Variants in PPP1R18 observed in about 807,000 individuals in gnomAD.
PPP1R18 encodes protein phosphatase 1 regulatory subunit 18.
Under a neutral mutation model 54.8 loss-of-function variants are expected in PPP1R18, and 31 were observed. The observed-to-expected ratio is 0.57, with a 90% CI of 0.43 to 0.76. The LOEUF (loss-of-function observed/expected upper bound fraction) is 0.76. Ranked by LOEUF, PPP1R18 falls within the 30% of genes least tolerant of loss-of-function variation. The pLI is 0.00. For missense variants in PPP1R18, 685 were observed against 776.1 expected, an observed-to-expected ratio of 0.88 and a Z score of 1.39; for synonymous variants, 310 against 320.2, an observed-to-expected ratio of 0.97 and a Z score of 0.34.
rs1194088647 is a variant in PPP1R18, at chr6:30,683,550, A to G, written c.1611+858T>C. ...GCTACCCTAAGGGGAGGGAAAGTCC[A>G]GGATGGCAGGAAAAGAGGGGAAAAC... On this transcript the variant is annotated intron_variant, in intron 1 of 2. Coordinates refer to ENST00000274853, the MANE Select transcript of PPP1R18 (RefSeq NM_133471.4). This position sits in a 1 kb window ranked among gnomAD's most constrained non-coding sequence, Gnocchi z 5.1. 2.0e-5 allele frequency among the ~76,000 whole-genome samples: 3 copies of G among 152,196 alleles called. No individual in the cohort carries two copies. Among genetic ancestry groups the G allele is most frequent in the Non-Finnish European group, 4.4e-5 (3 of 68,020 alleles).
In PPP1R18 at chr6:30,676,990, A is replaced by C; in HGVS notation, c.*279T>G. On this transcript the variant is annotated 3_prime_UTR_variant, in exon 3 of 3. Transcript: ENST00000274853. ...GGCAGGTGCTCCATCTCCACCCTCC[A>C]GGGAGTTCTGTGCCCCTTCTCAGGA... is the stretch of plus-strand genomic sequence containing the variant. 1.7e-6 allele frequency: 1 copy of C among 602,986 alleles called. No individual in the cohort carries two copies. The highest frequency in any genetic ancestry group is 3.0e-6 in the Non-Finnish European group (1 of 337,964). The allele number at this position is 602,986 out of a possible 1,614,324, so 37.4% of individuals were successfully genotyped here.
In PPP1R18 at chr6:30,685,546, C is replaced by T. The variant is rs200913210; in HGVS notation, c.473G>A (p.Gly158Glu). 6.2e-6 allele frequency: 10 copies of T among 1,612,930 alleles called. No individual in the cohort carries two copies. In the East Asian group the frequency reaches 2.2e-4, roughly 36 times the overall value. Residue 158 changes from glycine to glutamate, a missense_variant, in exon 1 of 3, where the codon GGA becomes GAA. Physicochemically the swap from Gly to Glu is moderately conservative, Grantham distance 98. Transcript: ENST00000274853. The surrounding 1 kb of genome is among the most constrained non-coding windows in gnomAD (Gnocchi z 5.0). ...AGGCCTCAGGCTCAACTCTTGGGCT[C>T]CCCCTATCCCCAGCCTCCTCTCTCT... ...ETRERRLGIGGAQELSLRPLE... is the reference protein window; with the variant it reads ...ETRERRLGIGEAQELSLRPLE...
At position 30,686,501 on chromosome 6, in the gene PPP1R18, T is replaced by G; in HGVS notation, c.-483A>C. 1 of 159,676 alleles carries G rather than the reference T, an allele frequency of 6.3e-6. No homozygotes were observed. The highest frequency in any genetic ancestry group is 1.4e-5 in the Non-Finnish European group (1 of 73,510). The allele number at this position is 159,676 out of a possible 1,614,324, so 9.9% of individuals were successfully genotyped here. A position where few individuals can be genotyped will look rare whatever the true frequency, so the allele number is the denominator to read the frequency against. On this transcript the variant is annotated 5_prime_UTR_variant, in exon 1 of 3. Coordinates refer to ENST00000274853, the MANE Select transcript of PPP1R18 (RefSeq NM_133471.4). ...TAGTGTGGGAAGGAAGGACCAGGAATCCCTGAAAGGACCAGGAGGCAACGG... is the reference window on the plus strand; with the variant it reads ...TAGTGTGGGAAGGAAGGACCAGGAAGCCCTGAAAGGACCAGGAGGCAACGG...
chr6:30,686,231 A>C lies in PPP1R18; in HGVS notation c.-213T>G. 2 of 496,610 alleles carry C rather than the reference A, an allele frequency of 4.0e-6. No individual in the cohort carries two copies. Among genetic ancestry groups the C allele is most frequent in the Non-Finnish European group, 7.0e-6 (2 of 285,582 alleles). The allele number at this position is 496,610 out of a possible 1,614,324, so 30.8% of individuals were successfully genotyped here. A position where few individuals can be genotyped will look rare whatever the true frequency, so the allele number is the denominator to read the frequency against. On this transcript the variant is annotated 5_prime_UTR_variant, in exon 1 of 3. Coordinates refer to ENST00000274853, the MANE Select transcript of PPP1R18 (RefSeq NM_133471.4). ...TGGGGAAATGGAAAAAGTGAAGAGA[A>C]GTTGTGAGCCCAAGTTGGGGGTGGT...
Position 30,686,009 on chromosome 6 carries a change from T to C in PPP1R18, c.10A>G (p.Ile4Val), listed in dbSNP as rs756225101. 16 of 1,566,134 alleles carry C rather than the reference T, an allele frequency of 1.0e-5. No homozygotes were observed. The Admixed American group carries it at 1.6e-4, about 16-fold the overall frequency. The change falls in exon 1 of 3, where the codon ATC becomes GTC. Residue 4 changes from isoleucine (I) to valine (V), a missense_variant. Transcript: ENST00000274853. MAT[I>V]PDWKLQLLAR... is the part of the protein sequence containing the mutation. ...AGCAGCTGTAGCTTCCAGTCTGGGATGGTGGCCATGGTCGTCTTGAGGTGA... is the reference window on the plus strand; with the variant it reads ...AGCAGCTGTAGCTTCCAGTCTGGGACGGTGGCCATGGTCGTCTTGAGGTGA...
chr6:30,684,986 T>G lies in PPP1R18; in HGVS notation c.1033A>C (p.Thr345Pro). The part of the protein sequence containing the change: ...TLNSGKAREW[T>P]PRDIEAQTQK... ...GTTTGAGCCTCTATGTCCCTGGGTG[T>G]CCATTCTCGAGCCTTCCCGGAGTTC... Residue 345 changes from threonine (T) to proline (P), a missense_variant, in exon 1 of 3, where the codon ACA (threonine) becomes CCA (proline). By Grantham distance (38) the Thr-to-Pro change is conservative. Transcript: ENST00000274853. This position sits in a 1 kb window ranked among gnomAD's most constrained non-coding sequence, Gnocchi z 6.0. 6.2e-7 allele frequency: 1 copy of G among 1,613,058 alleles called. No homozygotes were observed. The highest frequency in any genetic ancestry group is 2.2e-5 in the East Asian group (1 of 44,868).
In PPP1R18 at chr6:30,677,235, A is replaced by G. The variant is rs376079395; in HGVS notation, c.*34T>C. 1.4e-4 allele frequency: 227 copies of G among 1,593,294 alleles called. No homozygotes were observed. Among genetic ancestry groups the G allele is most frequent in the Non-Finnish European group, 1.9e-4 (218 of 1,164,310 alleles). The stretch of plus-strand genomic sequence containing the variant: ...GGGCTCCAGGATCTTCAGTTATAAG[A>G]AGGAGGGAGGTATATCCCTATGTTG... On this transcript the variant is annotated 3_prime_UTR_variant, in exon 3 of 3. Transcript: ENST00000274853.
In PPP1R18 at chr6:30,683,447, C is replaced by A. The variant is rs1362037846; in HGVS notation, c.1611+961G>T. 6.6e-6 allele frequency among the ~76,000 whole-genome samples: 1 copy of A among 152,186 alleles called. No homozygotes were observed. Among genetic ancestry groups the A allele is most frequent in the African/African-American group, 2.4e-5 (1 of 41,430 alleles). On this transcript the variant is annotated intron_variant, in intron 1 of 2. Transcript: ENST00000274853. The surrounding 1 kb of genome is among the most constrained non-coding windows in gnomAD (Gnocchi z 5.1). ...GACCCTCTGCTGGCCTCAGCCCCAA[C>A]CCCTGTCCAGAACTCCCACTGTGCT...
chr6:30,686,165 G>T lies in PPP1R18; in HGVS notation c.-147C>A. On this transcript the variant is annotated 5_prime_UTR_variant, in exon 1 of 3. Transcript: ENST00000274853. ...GTGGGACACAAAGCAGGGCAGAGGG[G>T]CTAAGGATGAGGACAGAGGGAAAGA... The T allele has an allele frequency of 1.3e-6, 1 of 777,826 alleles. No homozygotes were observed. The highest frequency in any genetic ancestry group is 2.1e-6 in the Non-Finnish European group (1 of 484,994). The allele number at this position is 777,826 out of a possible 1,614,324, so 48.2% of individuals were successfully genotyped here. A position where few individuals can be genotyped will look rare whatever the true frequency, so the allele number is the denominator to read the frequency against.
In PPP1R18 at chr6:30,684,207, A is replaced by G. The variant is rs1423917134; in HGVS notation, c.1611+201T>C. On this transcript the variant is annotated intron_variant, in intron 1 of 2. Transcript: ENST00000274853. The surrounding 1 kb of genome is among the most constrained non-coding windows in gnomAD (Gnocchi z 6.0). ...ACCCAGAGACAGCCTTTGCTGGGGC[A>G]GGATCTTTTGGGCTCAAAATGGAAA... 6.6e-6 allele frequency among the ~76,000 whole-genome samples: 1 copy of G among 152,228 alleles called. No individual in the cohort carries two copies. Among genetic ancestry groups the G allele is most frequent in the Non-Finnish European group, 1.5e-5 (1 of 68,024 alleles).
chr6:30,688,348 G>C, upstream of PPP1R18: 2 of 451,124 alleles, frequency 4.4e-6, no homozygotes, highest in Non-Finnish European at 8.0e-6. This position sits in a 1 kb window ranked among gnomAD's most constrained non-coding sequence, Gnocchi z 5.9. Flanking sequence ...CAGGGGAGTG[G>C]TCAGGGCAGA....
chr6:30,688,337 C>G (rs1230412756), upstream of PPP1R18: 1 of 383,874 alleles, frequency 2.6e-6, no homozygotes, highest in East Asian at 4.6e-5. The surrounding 1 kb of genome is among the most constrained non-coding windows in gnomAD (Gnocchi z 5.9). Flanking sequence ...AGTAACAGTG[C>G]CAGGGGAGTG....
chr6:30,685,037 G>A lies in PPP1R18; in HGVS notation c.982C>T (p.Pro328Ser), dbSNP rs993164412. 7 of 1,613,008 alleles carry A rather than the reference G, an allele frequency of 4.3e-6. No individual in the cohort carries two copies. Among genetic ancestry groups the A allele is most frequent in the Non-Finnish European group, 5.9e-6 (7 of 1,179,982 alleles). The change falls in exon 1 of 3, where the codon CCA becomes TCA. Residue 328 changes from proline (P) to serine (S), a missense_variant. Coordinates refer to ENST00000274853, the MANE Select transcript of PPP1R18 (RefSeq NM_133471.4). This position sits in a 1 kb window ranked among gnomAD's most constrained non-coding sequence, Gnocchi z 5.0. ...AGGGTCCATTTCCACCCTTCTGTTGGCTTCATGCCCCTCTCGCCATCTTCC... is the reference window on the plus strand; with the variant it reads ...AGGGTCCATTTCCACCCTTCTGTTGACTTCATGCCCCTCTCGCCATCTTCC... Reference protein sequence around the residue: ...PVEDGERGMKPTEGWKWTLNS... With the variant: ...PVEDGERGMKSTEGWKWTLNS...
At chr6:30,677,586 C>T (rs1212458947) in intron 2 of PPP1R18, among the ~76,000 whole-genome samples, 2 of 152,022 alleles carry the variant, frequency 1.3e-5, no homozygotes, top group Non-Finnish European at 2.9e-5. Flanking sequence ...GCCTGGAGCA[C>T]CTGTAATCCA....
chr6:30,684,350 A>G lies in PPP1R18; in HGVS notation c.1611+58T>C. On this transcript the variant is annotated intron_variant, in intron 1 of 2. Transcript: ENST00000274853. This position sits in a 1 kb window ranked among gnomAD's most constrained non-coding sequence, Gnocchi z 6.0. Reference sequence around the variant, plus strand: ...GGGGTATAAAAAAGAAAGAGACCAGAGTCCAGAGAAAATTGACAAGTGGAC... The same window carrying G: ...GGGGTATAAAAAAGAAAGAGACCAGGGTCCAGAGAAAATTGACAAGTGGAC... The G allele has an allele frequency of 6.8e-7, 1 of 1,476,172 alleles. No homozygotes were observed. Among genetic ancestry groups the G allele is most frequent in the African/African-American group, 1.4e-5 (1 of 70,452 alleles). The allele number at this position is 1,476,172 out of a possible 1,614,324, so 91.4% of individuals were successfully genotyped here.
upstream of PPP1R18, chr6:30,687,569 C>A (rs1231237549): frequency 6.6e-6 from 1 of 152,394 alleles, no homozygotes; most frequent in African/African-American, 2.4e-5. This position sits in a 1 kb window ranked among gnomAD's most constrained non-coding sequence, Gnocchi z 7.9. Context: ...TGGGAGGAAG[C>A]GGCAGCTGCT....
Position 30,685,618 on chromosome 6 carries a change from G to C in PPP1R18, c.401C>G (p.Pro134Arg). The change falls in exon 1 of 3, where the codon CCC (proline) becomes CGC (arginine). Residue 134 changes from proline (P) to arginine (R), a missense_variant. Pro to Arg is a moderately radical substitution (Grantham distance 103). Coordinates refer to ENST00000274853, the MANE Select transcript of PPP1R18 (RefSeq NM_133471.4). The surrounding 1 kb of genome is among the most constrained non-coding windows in gnomAD (Gnocchi z 5.0). ...CTCTTCTCTTGACTCTCTTCCCTTG[G>C]GGCTCTGATCCCGCATCTCCCCAGG... ...PSPGEMRDQS[P>R]KGRESREERL... 1 of 1,612,984 alleles carries C rather than the reference G, an allele frequency of 6.2e-7. No individual in the cohort carries two copies. Among genetic ancestry groups the C allele is most frequent in the Non-Finnish European group, 8.5e-7 (1 of 1,179,986 alleles).
Position 30,684,691 on chromosome 6 carries a change from G to A in PPP1R18, c.1328C>T (p.Pro443Leu). ...GCGGCTCATGAGGGGATCCCCAGGA[G>A]GTTGGGGGGCAGTTGGGGCTGGGGG... Reference protein sequence around the residue: ...PPPPAPTAPQPPGDPLMSRLF... With the variant: ...PPPPAPTAPQLPGDPLMSRLF... The change falls in exon 1 of 3, where the codon CCT (proline) becomes CTT (leucine). Residue 443 changes from proline to leucine, a missense_variant. Transcript: ENST00000274853. This position sits in a 1 kb window ranked among gnomAD's most constrained non-coding sequence, Gnocchi z 6.0. 1 of 1,485,812 alleles carries A rather than the reference G, an allele frequency of 6.7e-7. No individual in the cohort carries two copies. The highest frequency in any genetic ancestry group is 9.0e-7 in the Non-Finnish European group (1 of 1,114,148). The allele number at this position is 1,485,812 out of a possible 1,614,324, so 92.0% of individuals were successfully genotyped here.
At chr6:30,680,731 T>A (rs1203926087) in intron 1 of PPP1R18, among the ~76,000 whole-genome samples, 2 of 152,022 alleles carry the variant, frequency 1.3e-5, no homozygotes, top group African/African-American at 4.8e-5. Flanking sequence ...TCAGGAACTG[T>A]ATATGTTACT....
Sources: gnomAD v4.1 joint callset for allele counts (sites outside exome capture counted in the v4.1 genomes callset) on GRCh38, gnomAD v4.1.1 for gene constraint, Gnocchi (gnomAD v3.1) non-coding constraint, MANE v1.5 for transcripts, NCBI Gene and HGNC (gene_info 2026-07-23, HGNC 2026-07-21) for gene names.